CA10: variants seen among roughly 807,000 people sequenced by gnomAD.
CA10 encodes carbonic anhydrase 10 (inactive).
A neutral mutation model predicts 44.2 loss-of-function variants in CA10; 14 were observed. That is an observed-to-expected ratio of 0.32 (90% CI 0.21 to 0.50). The LOEUF is 0.50. Among genes scored for constraint, CA10 ranks in the 20% least tolerant of loss-of-function variants. CA10 has a pLI of 0.99. For synonymous variants in CA10, 159 were observed against 141.6 expected, an observed-to-expected ratio of 1.12 and a Z score of -0.87; for missense variants, 350 against 409.7, an observed-to-expected ratio of 0.85 and a Z score of 1.26.
intron 4 of CA10, among the ~76,000 whole-genome samples, chr17:51,689,932 C>A (rs1915131479): frequency 6.6e-6 from 1 of 151,324 alleles, no homozygotes; most frequent in Admixed American, 6.6e-5. Flanking sequence ...GGTGAGAACA[C>A]TTAAAATCTA....
chr17:52,019,452 G>C (rs1442337683), intron 2 of CA10, among the ~76,000 whole-genome samples: 1 of 152,024 alleles, frequency 6.6e-6, no homozygotes, highest in East Asian at 1.9e-4. Context: ...GGAGAGAAGG[G>C]TTATTTTGGT....
chr17:52,030,240 G>A (rs966996957), intron 2 of CA10, among the ~76,000 whole-genome samples: 15 of 152,212 alleles, frequency 9.9e-5, no homozygotes, highest in African/African-American at 3.4e-4. Flanking sequence ...AGATTTAAGA[G>A]GATGCATTTA....
intron 2 of CA10, among the ~76,000 whole-genome samples, chr17:51,988,279 T>G (rs1405834667): frequency 6.6e-6 from 1 of 152,034 alleles, no homozygotes; most frequent in Non-Finnish European, 1.5e-5. Context: ...TTTGAGAAAC[T>G]TATTAAATAT....
At chr17:51,932,025 GATT>G (rs1982683366) in intron 2 of CA10, among the ~76,000 whole-genome samples, 1 of 152,082 alleles carries the variant, frequency 6.6e-6, no homozygotes, top group Non-Finnish European at 1.5e-5. Context: ...ATTCCCCTGA[GATT>G]ATATGGCCAT....
chr17:51,975,963 G>T (rs561548228), intron 2 of CA10, among the ~76,000 whole-genome samples: 1 of 151,720 alleles, frequency 6.6e-6, no homozygotes, highest in East Asian at 1.9e-4. Context: ...AAAAGGAAAG[G>T]GATGGAGAAA....
At chr17:51,998,160 CCTATGTTCTTTACAGAA>C (rs1985300365) in intron 2 of CA10, among the ~76,000 whole-genome samples, 2 of 152,048 alleles carry the variant, frequency 1.3e-5, no homozygotes, top group Non-Finnish European at 2.9e-5. Context: ...CAGGTCAAAG[CCTATGTTCTTTACAGAA>C]CCATGTCCTT....
intron 4 of CA10, among the ~76,000 whole-genome samples, chr17:51,702,880 A>G (rs751457277): frequency 2.4e-4 from 36 of 152,204 alleles, no homozygotes; most frequent in Non-Finnish European, 4.6e-4. Flanking sequence ...TTGGAGTAGT[A>G]GCAGCCAGGT....
intron 3 of CA10, among the ~76,000 whole-genome samples, chr17:51,811,259 C>A (rs901874583): frequency 6.6e-6 from 1 of 151,650 alleles, no homozygotes; most frequent in African/African-American, 2.4e-5. Flanking sequence ...TAAAAATGAC[C>A]AAACAGTCCC....
intron 7 of CA10, among the ~76,000 whole-genome samples, chr17:51,634,159 G>A (rs1365177708): frequency 2.6e-5 from 4 of 152,190 alleles, no homozygotes; most frequent in African/African-American, 9.6e-5. Flanking sequence ...AAAAGAAGAC[G>A]GTCTCTAGCA....
intron 1 of CA10, among the ~76,000 whole-genome samples, chr17:52,129,875 C>A (rs911257734): frequency 2.6e-5 from 4 of 152,028 alleles, no homozygotes; most frequent in African/African-American, 7.3e-5. Flanking sequence ...AAAGACAACA[C>A]CAGTAGAATG....
chr17:51,927,490 A>G (rs1982479791), intron 3 of CA10, among the ~76,000 whole-genome samples: 1 of 152,160 alleles, frequency 6.6e-6, no homozygotes, highest in African/African-American at 2.4e-5. Flanking sequence ...ACCCACCTAT[A>G]TCAAATCCTC....
chr17:51,825,921 C>T (rs1907990471), intron 3 of CA10, among the ~76,000 whole-genome samples: 1 of 152,232 alleles, frequency 6.6e-6, no homozygotes, highest in African/African-American at 2.4e-5. Flanking sequence ...CCCATATGCC[C>T]ATAGCACTTA....
At chr17:52,114,202 G>T (rs1333672892) in intron 1 of CA10, among the ~76,000 whole-genome samples, 2 of 152,142 alleles carry the variant, frequency 1.3e-5, no homozygotes, top group Non-Finnish European at 2.9e-5. Flanking sequence ...AGATGTTTGG[G>T]GAAGAGGCTT....
intron 3 of CA10, among the ~76,000 whole-genome samples, chr17:51,750,061 CCCATAACTT>C (rs1286611794): frequency 1.3e-5 from 2 of 152,168 alleles, no homozygotes; most frequent in African/African-American, 4.8e-5. Flanking sequence ...CTTTTCATTT[CCCATAACTT>C]CCTTTTCAGT....
chr17:51,644,008 AAC>A (rs1244725772), intron 6 of CA10, among the ~76,000 whole-genome samples: 1 of 152,160 alleles, frequency 6.6e-6, no homozygotes, highest in Non-Finnish European at 1.5e-5. Context: ...TCTTCACTAG[AAC>A]ACACTGCCTC....
intron 2 of CA10, among the ~76,000 whole-genome samples, chr17:52,011,826 T>C (rs1238027742): frequency 6.6e-6 from 1 of 151,922 alleles, no homozygotes; most frequent in Non-Finnish European, 1.5e-5. Context: ...AATGGAGAAA[T>C]GACTTCAGCA....
At chr17:51,788,309 G>T (rs952687917) in intron 3 of CA10, among the ~76,000 whole-genome samples, 1 of 152,192 alleles carries the variant, frequency 6.6e-6, no homozygotes, top group Non-Finnish European at 1.5e-5. Context: ...GACCAGAGAA[G>T]ATGCTTGATA....
At chr17:51,717,654 TAC>T (rs374567867) in intron 4 of CA10, among the ~76,000 whole-genome samples, 9,476 of 55,012 alleles carry the variant, frequency 0.17, 2,643 homozygotes, top group East Asian at 0.26. Flanking sequence ...TATACATATA[TAC>T]GTATATATAC....
At chr17:52,018,631 G>A (rs1479720246) in intron 2 of CA10, among the ~76,000 whole-genome samples, 1 of 152,040 alleles carries the variant, frequency 6.6e-6, no homozygotes, top group Non-Finnish European at 1.5e-5. Flanking sequence ...AATCTCGTAG[G>A]TAGAAGAAGC....
Sources: allele counts gnomAD v4.1 joint callset (sites outside exome capture counted in the v4.1 genomes callset), GRCh38; gene constraint gnomAD v4.1.1; transcripts MANE v1.5; gene names NCBI Gene and HGNC (gene_info 2026-07-23, HGNC 2026-07-21).